The following MAP1B variants were observed in gnomAD, a reference collection of about 807,000 sequenced individuals.
MAP1B encodes microtubule-associated protein 1B.
Under a neutral mutation model 176.1 loss-of-function variants are expected in MAP1B, and 12 were observed. The observed-to-expected ratio is 0.07, with a 90% CI of 0.04 to 0.11. The LOEUF (loss-of-function observed/expected upper bound fraction) is 0.11, where lower values mean the gene tolerates loss of function less well. Among genes scored for constraint, MAP1B ranks in the 10% least tolerant of loss-of-function variants. The probability of loss-of-function intolerance (pLI) is 1.00; values close to 1 mark genes in which losing one functional copy is unlikely to be tolerated. For missense variants in MAP1B, 2,523 were observed against 2,990.5 expected (o/e 0.84, Z 3.65); for synonymous variants, 1,044 against 1,135.0 (o/e 0.92, Z 1.61).
At chr5:72,116,299 T>C in intron 2 of MAP1B, 1 of 301,054 alleles carries the variant, frequency 3.3e-6, no homozygotes, top group Non-Finnish European at 6.4e-6. Flanking sequence ...CATTTCAAAA[T>C]GAAATATACA....
intron 2 of MAP1B, among the ~76,000 whole-genome samples, chr5:72,163,843 T>C (rs1278233578): frequency 2.0e-5 from 3 of 151,918 alleles, no homozygotes; most frequent in Non-Finnish European, 2.9e-5. Context: ...CCATATAAAT[T>C]CATATTTCTG....
In MAP1B at chr5:72,194,841, T is replaced by G. The variant is rs1196988819; in HGVS notation, c.1486T>G (p.Tyr496Asp). The G allele has an allele frequency of 6.2e-7, 1 of 1,614,072 alleles. No homozygotes were observed. Among genetic ancestry groups the G allele is most frequent in the Non-Finnish European group, 8.5e-7 (1 of 1,180,036 alleles). The change falls in exon 5 of 7, where the codon TAC becomes GAC. Residue 496 changes from tyrosine (Y) to aspartate (D), a missense_variant. Tyr to Asp is a radical substitution (Grantham distance 160). This residue lies in a region of MAP1B where 1,925 missense variants were observed against 2,126.0 expected (regional missense o/e 0.91). Transcript: ENST00000296755. This position sits in a 1 kb window ranked among gnomAD's most constrained non-coding sequence, Gnocchi z 7.2. ...CCTGTTTCCTGGGAACAGCACCCAGTACAACATCCTGGAAGGGTTGGAAAA... is the reference window on the plus strand; with the variant it reads ...CCTGTTTCCTGGGAACAGCACCCAGGACAACATCCTGGAAGGGTTGGAAAA... ...RVLFPGNSTQ[Y>D]NILEGLEKLK...
chr5:72,178,913 A>G (rs1385848948), intron 2 of MAP1B, among the ~76,000 whole-genome samples: 3 of 152,226 alleles, frequency 2.0e-5, no homozygotes, highest in African/African-American at 4.8e-5. Flanking sequence ...GCCAAACCTT[A>G]TAAGACACAT....
intron 2 of MAP1B, chr5:72,179,897 A>C: frequency 1.0e-6 from 1 of 985,548 alleles, no homozygotes; most frequent in Non-Finnish European, 1.2e-6. Context: ...ATTGACTTGG[A>C]AGGAGTGGAG....
rs1025036923 is a variant in MAP1B, at chr5:72,194,166, G to A, written c.811G>A (p.Asp271Asn). Residue 271 changes from aspartate to asparagine, a missense_variant, in exon 5 of 7, where the codon GAT becomes AAT. Around this residue, in one of 4 missense-constraint regions of MAP1B, gnomAD observed 307 missense variants for 438.4 expected, o/e 0.70. Coordinates refer to ENST00000296755, the MANE Select transcript of MAP1B (RefSeq NM_005909.5). This position sits in a 1 kb window ranked among gnomAD's most constrained non-coding sequence, Gnocchi z 7.2. ...CCYIFPGGRG[D>N]SALFAVNGFN... ...TTATATTTTTCCAGGAGGGAGGGGC[G>A]ATTCTGCCTTGTTTGCAGTGAATGG... 3 of 1,614,190 alleles carry A rather than the reference G, an allele frequency of 1.9e-6. No individual in the cohort carries two copies. The highest frequency in any genetic ancestry group is 1.7e-6 in the Non-Finnish European group (2 of 1,180,026).
intron 2 of MAP1B, among the ~76,000 whole-genome samples, chr5:72,157,298 A>G (rs575400922): frequency 3.2e-4 from 48 of 152,368 alleles, no homozygotes; most frequent in South Asian, 4.1e-4. Context: ...GTAAGTGCAT[A>G]AAGTACCATT....
At position 72,182,013 on chromosome 5, in the gene MAP1B, C is replaced by T. The variant is rs551687316; in HGVS notation, c.287-1730C>T. Reference sequence around the variant, plus strand: ...TGCTGGGATTACAGGCATGAGCCACCGCACCTGGCCTTTTTTTTTTTTTTT... The same window carrying T: ...TGCTGGGATTACAGGCATGAGCCACTGCACCTGGCCTTTTTTTTTTTTTTT... On this transcript the variant is annotated intron_variant, in intron 2 of 6. Coordinates refer to ENST00000296755, the MANE Select transcript of MAP1B (RefSeq NM_005909.5). Among the ~76,000 whole-genome samples the T allele has an allele frequency of 6.8e-5, 10 of 146,102 alleles. No individual in the cohort carries two copies. In the East Asian group the frequency reaches 1.0e-3, roughly 15 times the overall value.
At chr5:72,140,931 A>G (rs1181463335) in intron 2 of MAP1B, among the ~76,000 whole-genome samples, 1 of 152,190 alleles carries the variant, frequency 6.6e-6, no homozygotes, top group Non-Finnish European at 1.5e-5. Context: ...CAATAAAACC[A>G]TTCTAGACAG....
rs1187991906 is a variant in MAP1B, at chr5:72,197,054, C to T, written c.3699C>T (p.Ala1233=). 1 of 1,614,174 alleles carries T rather than the reference C, an allele frequency of 6.2e-7. No homozygotes were observed. The highest frequency in any genetic ancestry group is 2.2e-5 in the East Asian group (1 of 44,884). Residue 1233 remains alanine, a synonymous_variant, in exon 5 of 7, where the codon GCC becomes GCT. Coordinates refer to ENST00000296755, the MANE Select transcript of MAP1B (RefSeq NM_005909.5). ...LRDAYCSEVK[A]STTLDIKDSI... The stretch of plus-strand genomic sequence containing the variant: ...ATGCTTACTGCTCTGAAGTGAAAGC[C>T]AGCACCACTTTGGACATCAAAGATA...
intron 2 of MAP1B, among the ~76,000 whole-genome samples, chr5:72,152,405 C>T (rs2112167854): frequency 6.6e-6 from 1 of 152,218 alleles, no homozygotes. Flanking sequence ...GAAGGAAAAA[C>T]TGAAGAATAA....
At chr5:72,121,864 C>A (rs1031503184) in intron 2 of MAP1B, among the ~76,000 whole-genome samples, 2 of 152,156 alleles carry the variant, frequency 1.3e-5, no homozygotes, top group African/African-American at 4.8e-5. Context: ...CAATAAGGCA[C>A]ACAAATATAT....
At position 72,113,168 on chromosome 5, in the gene MAP1B, T is replaced by G. The variant is rs143200296; in HGVS notation, c.185-2530T>G. Among the ~76,000 whole-genome samples, 5 of 152,328 alleles carry G rather than the reference T, an allele frequency of 3.3e-5. No individual in the cohort carries two copies. In the East Asian group the frequency reaches 9.6e-4, roughly 29 times the overall value. On this transcript the variant is annotated intron_variant, in intron 1 of 6. Coordinates refer to ENST00000296755, the MANE Select transcript of MAP1B (RefSeq NM_005909.5). ...GCAGGAGATACAAAGTAATTACAAA[T>G]TATTTTATTTCTAAAATTGGTATGG...
intron 2 of MAP1B, among the ~76,000 whole-genome samples, chr5:72,173,230 G>A (rs556105044): frequency 3.3e-5 from 5 of 152,190 alleles, no homozygotes; most frequent in South Asian, 4.1e-4. Context: ...TATTGATTGC[G>A]CATCTGCTGT....
In MAP1B at chr5:72,108,764, C is replaced by T. The variant is rs901218363; in HGVS notation, c.184+1049C>T. On this transcript the variant is annotated intron_variant, in intron 1 of 6. Coordinates refer to ENST00000296755, the MANE Select transcript of MAP1B (RefSeq NM_005909.5). ...CCGGGCCTCGGGCTGGCGGGGGCCGCGCGCCCCCACCTCTCAGTTTGCCTG... is the reference window on the plus strand; with the variant it reads ...CCGGGCCTCGGGCTGGCGGGGGCCGTGCGCCCCCACCTCTCAGTTTGCCTG... Among the ~76,000 whole-genome samples the T allele has an allele frequency of 1.6e-3, 245 of 152,204 alleles. 2 individuals carry two copies. Among genetic ancestry groups the T allele is most frequent in the African/African-American group, 5.6e-3 (234 of 41,578 alleles).
chr5:72,196,781 G>T lies in MAP1B; in HGVS notation c.3426G>T (p.Val1142=), dbSNP rs1233487371. 1.2e-6 allele frequency: 2 copies of T among 1,613,978 alleles called. No individual in the cohort carries two copies. Among genetic ancestry groups the T allele is most frequent in the African/African-American group, 2.7e-5 (2 of 74,900 alleles). ...PMDEMSTPRD[V]MSDETNNEET... is the part of the protein sequence containing the mutation. Reference sequence around the variant, plus strand: ...ATGAGATGTCTACCCCTCGAGACGTGATGAGTGATGAGACCAACAATGAAG... The same window carrying T: ...ATGAGATGTCTACCCCTCGAGACGTTATGAGTGATGAGACCAACAATGAAG... Residue 1142 remains valine, a synonymous_variant, in exon 5 of 7, where the codon GTG becomes GTT. Transcript: ENST00000296755. This position sits in a 1 kb window ranked among gnomAD's most constrained non-coding sequence, Gnocchi z 5.3.
chr5:72,135,564 AT>A (rs1413067158), intron 2 of MAP1B, among the ~76,000 whole-genome samples: 4 of 152,070 alleles, frequency 2.6e-5, no homozygotes, highest in Non-Finnish European at 5.9e-5. Flanking sequence ...GGTTTTTTGA[AT>A]TTTCCCAAAG....
intron 2 of MAP1B, among the ~76,000 whole-genome samples, chr5:72,176,061 C>G (rs898582461): frequency 6.6e-6 from 1 of 152,106 alleles, no homozygotes; most frequent in African/African-American, 2.4e-5. Context: ...AATTTATTTC[C>G]CACAGAAAAG....
At chr5:72,126,549 A>G (rs78865307) in intron 2 of MAP1B, among the ~76,000 whole-genome samples, 4,008 of 152,298 alleles carry the variant, frequency 0.026, 122 homozygotes, top group African/African-American at 0.078. Context: ...GATTCCTGTA[A>G]AACACAATCT....
intron 2 of MAP1B, among the ~76,000 whole-genome samples, chr5:72,144,914 C>T (rs1333998316): frequency 2.0e-5 from 3 of 152,126 alleles, no homozygotes; most frequent in Non-Finnish European, 4.4e-5. Flanking sequence ...AAACACAGAT[C>T]CTTCTCTTCC....
Sources: gnomAD v4.1 joint callset for allele counts (sites outside exome capture counted in the v4.1 genomes callset) on GRCh38, gnomAD v4.1.1 for gene constraint, gnomAD v4.1.1 regional missense constraint, Gnocchi (gnomAD v3.1) non-coding constraint, MANE v1.5 for transcripts, NCBI Gene and HGNC (gene_info 2026-07-23, HGNC 2026-07-21) for gene names.